HOXA3: variants seen among roughly 807,000 people sequenced by gnomAD.
HOXA3 encodes the protein homeobox protein Hox-A3.
In HOXA3, 8 loss-of-function variants were observed where a neutral mutation model predicts 30.3. The observed-to-expected ratio is 0.26, with a 90% CI of 0.15 to 0.48. The LOEUF (loss-of-function observed/expected upper bound fraction) is 0.48, where lower values mean the gene tolerates loss of function less well. Among genes scored for constraint, HOXA3 ranks in the 20% least tolerant of loss-of-function variants. The probability of loss-of-function intolerance (pLI) is 0.99; values close to 1 mark genes in which losing one functional copy is unlikely to be tolerated. For missense variants in HOXA3, 653 were observed against 614.4 expected, an observed-to-expected ratio of 1.06 and a Z score of -0.66; for synonymous variants, 323 against 273.1, an observed-to-expected ratio of 1.18 and a Z score of -1.80.
rs1238209131 is a variant in HOXA3, at chr7:27,113,556, A to C, written c.-120-2796T>G. 3.3e-5 allele frequency: 5 copies of C among 152,214 alleles called. No homozygotes were observed. Among genetic ancestry groups the C allele is most frequent in the Non-Finnish European group, 5.9e-5 (4 of 68,044 alleles). The allele number at this position is 152,214 out of a possible 1,614,324, so 9.4% of individuals were successfully genotyped here. On this transcript the variant is annotated intron_variant, in intron 4 of 5. Coordinates refer to ENST00000612286, the MANE Select transcript of HOXA3 (RefSeq NM_153631.3). This position sits in a 1 kb window ranked among gnomAD's most constrained non-coding sequence, Gnocchi z 4.8. The stretch of plus-strand genomic sequence containing the variant: ...TTCTTGAACCGAGATTTAAGTCTGC[A>C]GCCATAAATCACCGAGACGTAAACT...
chr7:27,137,096 C>T (rs977548261), intron 2 of HOXA3, among the ~76,000 whole-genome samples: 1 of 152,212 alleles, frequency 6.6e-6, no homozygotes, highest in Non-Finnish European at 1.5e-5. Context: ...GGATTGTTTT[C>T]CTCTTTAATT....
intron 5 of HOXA3, 71 bp downstream of exon 5, chr7:27,110,044 G>T: frequency 1.3e-6 from 2 of 1,562,846 alleles, no homozygotes; most frequent in Non-Finnish European, 1.8e-6. Context: ...GGCTGTGCTG[G>T]ATGTCGTGGG....
intron 1 of HOXA3, chr7:27,151,508 A>C (rs1169818578): frequency 2.2e-6 from 1 of 447,014 alleles, no homozygotes; most frequent in East Asian, 7.2e-5. Flanking sequence ...TAACAGCATT[A>C]TGTCCTCTGC....
At chr7:27,121,190 T>C (rs1784987693) in intron 4 of HOXA3, 1 of 151,690 alleles carries the variant, frequency 6.6e-6, no homozygotes, top group Non-Finnish European at 1.5e-5. Context: ...CTACTCAGCA[T>C]CAGGTAAGGC....
chr7:27,126,630 G>C (rs1785295298), intron 3 of HOXA3, among the ~76,000 whole-genome samples: 2 of 152,058 alleles, frequency 1.3e-5, no homozygotes, highest in Non-Finnish European at 2.9e-5. Flanking sequence ...GCAATCATTT[G>C]GATCATTTTC....
chr7:27,111,485 CGTGTGTGTGTGTGTGT>C (rs61655486), intron 4 of HOXA3, among the ~76,000 whole-genome samples: 1 of 148,780 alleles, frequency 6.7e-6, no homozygotes, highest in Non-Finnish European at 1.5e-5. Context: ...GAACACATTG[CGTGTGTGTGTGTGTGT>C]GTGTGTGTGT....
intron 1 of HOXA3, chr7:27,150,840 TG>T (rs1303784746): frequency 6.6e-6 from 1 of 152,512 alleles, no homozygotes; most frequent in Non-Finnish European, 1.5e-5. Flanking sequence ...ATATAGGCTC[TG>T]GGTGATCGCC....
rs1020789194 is a variant in HOXA3 at position 27,110,607 on chromosome 7, T to A, written c.34A>T (p.Ile12Phe). The part of the protein sequence containing the change: ...QKATYYDSSA[I>F]YGGYPYQAAN... Reference sequence around the variant, plus strand: ...GCCTGGTAGGGGTAGCCACCGTAGATCGCCGAGCTGTCGTAGTAGGTCGCT... The same window carrying A: ...GCCTGGTAGGGGTAGCCACCGTAGAACGCCGAGCTGTCGTAGTAGGTCGCT... The change falls in exon 5 of 6, where the codon ATC becomes TTC. Residue 12 changes from isoleucine (I) to phenylalanine (F), a missense_variant. This residue lies in a region of HOXA3 where 320 missense variants were observed against 321.9 expected (regional missense o/e 0.99). Coordinates refer to ENST00000612286, the MANE Select transcript of HOXA3 (RefSeq NM_153631.3). The A allele has an allele frequency of 2.5e-6, 4 of 1,607,256 alleles. No homozygotes were observed. In the African/African-American group the frequency reaches 5.3e-5, roughly 21 times the overall value.
chr7:27,146,818 G>C (rs894042344), intron 1 of HOXA3, among the ~76,000 whole-genome samples: 3 of 152,230 alleles, frequency 2.0e-5, no homozygotes, highest in African/African-American at 7.2e-5. Context: ...GTCTGGGGCT[G>C]TGGCCCTCCA....
chr7:27,147,845 G>T (rs1035046625), intron 1 of HOXA3: 1 of 1,155,108 alleles, frequency 8.7e-7, no homozygotes, highest in Non-Finnish European at 1.2e-6. Flanking sequence ...CTGGATGGCC[G>T]AACGCCAAAA....
In HOXA3 at chr7:27,110,501, C is replaced by T. The variant is rs760414819; in HGVS notation, c.140G>A (p.Arg47Gln). Residue 47 changes from arginine (R) to glutamine (Q), a missense_variant, in exon 5 of 6, where the codon CGA becomes CAA. This residue lies in a region of HOXA3 where 320 missense variants were observed against 321.9 expected (regional missense o/e 0.99). Transcript: ENST00000612286. ...GGGAGACTGGAGGGAGCAGGCGGGTCGGTGGTACTCGCCGTCGGCGCCCAA... is the reference window on the plus strand; with the variant it reads ...GGGAGACTGGAGGGAGCAGGCGGGTTGGTGGTACTCGCCGTCGGCGCCCAA... ...AALGADGEYH[R>Q]PACSLQSPSS... 3 of 1,604,900 alleles carry T rather than the reference C, an allele frequency of 1.9e-6. No individual in the cohort carries two copies. The highest frequency in any genetic ancestry group is 1.7e-6 in the Non-Finnish European group (2 of 1,173,936).
In HOXA3 at chr7:27,152,317, C is replaced by T. The variant is rs768133582; in HGVS notation, c.-523G>A. 294 of 1,273,358 alleles carry T rather than the reference C, an allele frequency of 2.3e-4. No homozygotes were observed. Among genetic ancestry groups the T allele is most frequent in the Admixed American group, 1.4e-3 (56 of 41,278 alleles). The allele number at this position is 1,273,358 out of a possible 1,614,324, so 78.9% of individuals were successfully genotyped here. A position where few individuals can be genotyped will look rare whatever the true frequency, so the allele number is the denominator to read the frequency against. ...AGACGGTGGCTCCCAGAAGCTCCTGCCCCTCTGACAGCTGTCGCTTGGGCA... is the reference window on the plus strand; with the variant it reads ...AGACGGTGGCTCCCAGAAGCTCCTGTCCCTCTGACAGCTGTCGCTTGGGCA... On this transcript the variant is annotated 5_prime_UTR_variant, in exon 1 of 6. Transcript: ENST00000612286.
chr7:27,135,520 G>A (rs2128056953), intron 2 of HOXA3, among the ~76,000 whole-genome samples: 1 of 152,212 alleles, frequency 6.6e-6, no homozygotes, highest in East Asian at 1.9e-4. Flanking sequence ...ATCTCAGAAC[G>A]CTTTGCATTC....
In HOXA3 at chr7:27,115,102, G is replaced by A. The variant is rs373792450; in HGVS notation, c.-120-4342C>T. On this transcript the variant is annotated intron_variant, in intron 4 of 5. Coordinates refer to ENST00000612286, the MANE Select transcript of HOXA3 (RefSeq NM_153631.3). ...TTTGCTGCAATCCCAAGGCGTCAAC[G>A]GCGGGTCCTTCTCAAAGGAAGGTGT... is the stretch of plus-strand genomic sequence containing the variant. Among the ~76,000 whole-genome samples, 45 of 150,376 alleles carry A rather than the reference G, an allele frequency of 3.0e-4. No homozygotes were observed. The East Asian group carries it at 6.0e-3, about 20-fold the overall frequency.
intron 1 of HOXA3, chr7:27,151,656 A>G: frequency 2.2e-6 from 1 of 456,718 alleles, no homozygotes; most frequent in Non-Finnish European, 4.4e-6. Context: ...GAAGCCGGCA[A>G]CGAGCGGAGA....
At chr7:27,150,705 A>G (rs1398307042) in intron 1 of HOXA3, 1 of 152,564 alleles carries the variant, frequency 6.6e-6, no homozygotes, top group African/African-American at 2.4e-5. Context: ...AGAAGCAGCC[A>G]TGACGTGCCA....
chr7:27,110,086 G>A (rs1326543394), intron 5 of HOXA3, 29 bp downstream of exon 5: 16 of 1,613,868 alleles, frequency 9.9e-6, no homozygotes, highest in African/African-American at 1.3e-5. Context: ...CCAGGCCAGA[G>A]GACCCTCTTC....
At chr7:27,143,352 A>T in intron 1 of HOXA3, 1 of 1,593,586 alleles carries the variant, frequency 6.3e-7, no homozygotes, top group Non-Finnish European at 8.5e-7. Context: ...GGCTGGCTGT[A>T]CCTGGGCTCG....
chr7:27,129,846 G>A (rs2128054263), intron 2 of HOXA3: 2 of 606,676 alleles, frequency 3.3e-6, no homozygotes, highest in Non-Finnish European at 5.8e-6. Flanking sequence ...CTCTGCCAGG[G>A]CAATTAAATT....
Sources: gnomAD v4.1 joint callset for allele counts (sites outside exome capture counted in the v4.1 genomes callset) on GRCh38, gnomAD v4.1.1 for gene constraint, gnomAD v4.1.1 regional missense constraint, Gnocchi (gnomAD v3.1) non-coding constraint, MANE v1.5 for transcripts, NCBI Gene and HGNC (gene_info 2026-07-23, HGNC 2026-07-21) for gene names.